Variants in GFPT2 observed in about 807,000 individuals in gnomAD.
GFPT2 encodes glutamine--fructose-6-phosphate aminotransferase [isomerizing] 2.
Under a neutral mutation model 85.6 loss-of-function variants are expected in GFPT2, and 62 were observed. The ratio of observed to expected loss-of-function variants is 0.72; its 90% CI spans 0.59 to 0.90. GFPT2 has a LOEUF of 0.90. Among genes scored for constraint, GFPT2 ranks in the 40% least tolerant of loss-of-function variants. The pLI, the probability that GFPT2 is intolerant of heterozygous loss-of-function variation, is 0.00. For missense variants in GFPT2, 788 were observed against 893.4 expected (o/e 0.88, Z 1.50); for synonymous variants, 368 against 344.5 (o/e 1.07, Z -0.75).
chr5:180,309,787 T>C (rs796624491), intron 15 of GFPT2, among the ~76,000 whole-genome samples: 61 of 151,820 alleles, frequency 4.0e-4, no homozygotes, highest in African/African-American at 1.4e-3. Flanking sequence ...TACAGACTAA[T>C]AATTTTTACC....
intron 2 of GFPT2, among the ~76,000 whole-genome samples, chr5:180,337,309 A>C (rs916206640): frequency 7.2e-5 from 11 of 152,122 alleles, no homozygotes; most frequent in South Asian, 2.1e-4. Flanking sequence ...AAAAATTAGC[A>C]GGGTGTGGTG....
At chr5:180,332,842 T>C (rs374765769) in intron 4 of GFPT2, among the ~76,000 whole-genome samples, 2 of 152,338 alleles carry the variant, frequency 1.3e-5, no homozygotes, top group East Asian at 1.9e-4. Context: ...GCCTGGTCTA[T>C]TGACTATTTT....
chr5:180,321,876 C>T (rs1270219925), intron 9 of GFPT2, among the ~76,000 whole-genome samples: 4 of 152,308 alleles, frequency 2.6e-5, no homozygotes, highest in South Asian at 2.1e-4. Flanking sequence ...CTCCGCCTCC[C>T]GGGTTCACGC....
chr5:180,330,844 G>A lies in GFPT2; in HGVS notation c.400-10C>T, dbSNP rs376675143. 1.4e-5 allele frequency: 22 copies of A among 1,613,324 alleles called. No homozygotes were observed. Among genetic ancestry groups the A allele is most frequent in the African/African-American group, 4.0e-5 (3 of 74,904 alleles). On this transcript the variant is annotated splice_polypyrimidine_tract_variant and intron_variant, in intron 5 of 18. Transcript: ENST00000253778. The surrounding 1 kb of genome is among the most constrained non-coding windows in gnomAD (Gnocchi z 4.4). ...CGTAGCCTTTGCTTTCCTGGAATAT[G>A]CAGTCGGCACAGTGTGAGAGATTGG... is the stretch of plus-strand genomic sequence containing the variant.
intron 15 of GFPT2, among the ~76,000 whole-genome samples, chr5:180,307,811 G>C (rs929759355): frequency 6.6e-6 from 1 of 152,198 alleles, no homozygotes; most frequent in Admixed American, 6.5e-5. Flanking sequence ...ACATTTACCA[G>C]ATTAGAAAAT....
At chr5:180,307,503 G>A (rs527444746) in intron 15 of GFPT2, among the ~76,000 whole-genome samples, 200 bp from the exon 16 acceptor site, 6 of 152,318 alleles carry the variant, frequency 3.9e-5, no homozygotes. Flanking sequence ...ATGGGGATTC[G>A]TGTTGTGTGA....
chr5:180,302,416 G>C lies in GFPT2; in HGVS notation c.2004+7C>G, dbSNP rs1210733491. ...TCTCTGCTGTTAGGTGCAGTTTTTA[G>C]ACGCACGTCATATCCTCGGAGAACA... On this transcript the variant is annotated splice_region_variant and intron_variant, in intron 18 of 18. Coordinates refer to ENST00000253778, the MANE Select transcript of GFPT2 (RefSeq NM_005110.4). 1 of 1,611,104 alleles carries C rather than the reference G, an allele frequency of 6.2e-7. No homozygotes were observed. The highest frequency in any genetic ancestry group is 1.7e-5 in the Admixed American group (1 of 59,996).
At chr5:180,337,660 GCCACCTCACT>G (rs767038294) in intron 2 of GFPT2, among the ~76,000 whole-genome samples, 13,483 of 152,038 alleles carry the variant, frequency 0.089, 1,010 homozygotes, top group African/African-American at 0.2. Context: ...TTTTAATGAA[GCCACCTCACT>G]GAGGCAGGGC....
chr5:180,353,218 C>G lies in GFPT2; in HGVS notation c.-1G>C. The G allele has an allele frequency of 8.1e-7, 1 of 1,240,582 alleles. No homozygotes were observed. Among genetic ancestry groups the G allele is most frequent in the South Asian group, 4.1e-5 (1 of 24,446 alleles). 76.8% of individuals were successfully genotyped at this position (1,240,582 alleles called of 1,614,324 possible). A position where few individuals can be genotyped will look rare whatever the true frequency, so the allele number is the denominator to read the frequency against. ...GGCGGGCGCGGCACTCACCGCACAT[C>G]GTGGCTGCTTCTCGGGCTCCTTCGC... On this transcript the variant is annotated 5_prime_UTR_variant, in exon 1 of 19. Coordinates refer to ENST00000253778, the MANE Select transcript of GFPT2 (RefSeq NM_005110.4).
chr5:180,324,498 G>A lies in GFPT2; in HGVS notation c.677-193C>T, dbSNP rs542482304. On this transcript the variant is annotated intron_variant, in intron 8 of 18. Coordinates refer to ENST00000253778, the MANE Select transcript of GFPT2 (RefSeq NM_005110.4). ...CTGCAAAAGCATTTAAATGGCTACA[G>A]TGTGAGAGGAATGCAAACAAAAACA... 4.3e-5 allele frequency: 25 copies of A among 588,040 alleles called. No homozygotes were observed. The Admixed American group carries it at 8.0e-4, about 19-fold the overall frequency. 36.4% of individuals were successfully genotyped at this position (588,040 alleles called of 1,614,324 possible).
rs1764047243 is a variant in GFPT2 at position 180,318,024 on chromosome 5, G to T, written c.958+769C>A. 1.3e-5 allele frequency among the ~76,000 whole-genome samples: 2 copies of T among 152,166 alleles called. No homozygotes were observed. Among genetic ancestry groups the T allele is most frequent in the African/African-American group, 4.8e-5 (2 of 41,434 alleles). ...AAATGAAGCAAGTGAGGGGAATGAG[G>T]GGTGGCCACCATAGGGGAGGGGCTG... On this transcript the variant is annotated intron_variant, in intron 10 of 18. Transcript: ENST00000253778. The surrounding 1 kb of genome is among the most constrained non-coding windows in gnomAD (Gnocchi z 4.2).
Position 180,335,898 on chromosome 5 carries a change from G to A in GFPT2, c.270C>T (p.His90=). The A allele has an allele frequency of 6.3e-7, 1 of 1,581,446 alleles. No individual in the cohort carries two copies. Among genetic ancestry groups the A allele is most frequent in the Non-Finnish European group, 8.6e-7 (1 of 1,168,920 alleles). The change falls in exon 4 of 19, where the codon CAC becomes CAT. Residue 90 remains histidine, a synonymous_variant. Coordinates refer to ENST00000253778, the MANE Select transcript of GFPT2 (RefSeq NM_005110.4). The part of the protein sequence containing the change: ...VEFETHFGIA[H]TRWATHGVPS... Reference sequence around the variant, plus strand: ...GGACCCCGTGGGTGGCCCAGCGCGTGTGGGCAATGCCGAAGTGTGTCTCAA... The same window carrying A: ...GGACCCCGTGGGTGGCCCAGCGCGTATGGGCAATGCCGAAGTGTGTCTCAA...
intron 7 of GFPT2, 108 bp from the exon 8 acceptor site, chr5:180,325,003 T>C: frequency 1.3e-6 from 1 of 763,192 alleles, no homozygotes; most frequent in Non-Finnish European, 2.3e-6. Flanking sequence ...TTCCCAGTGG[T>C]GGAGGATCCT....
intron 16 of GFPT2, among the ~76,000 whole-genome samples, chr5:180,305,796 A>G (rs758029388): frequency 1.2e-4 from 19 of 152,072 alleles, no homozygotes; most frequent in Non-Finnish European, 2.6e-4. Flanking sequence ...CCTTGCCTCT[A>G]CTGCACTCCA....
rs942938177 is a variant in GFPT2, at chr5:180,338,783, A to G, written c.8-183T>C. ...ACCCCTTCTTCCTCCTGTGACAAAA[A>G]CCCCCAGAAAGCCTGTGTCACATGT... On this transcript the variant is annotated intron_variant, in intron 1 of 18. Transcript: ENST00000253778. 5.9e-5 allele frequency among the ~76,000 whole-genome samples: 9 copies of G among 151,534 alleles called. No individual in the cohort carries two copies. In the South Asian group the frequency reaches 6.3e-4, roughly 11 times the overall value.
At chr5:180,320,111 G>A (rs974546658) in intron 9 of GFPT2, among the ~76,000 whole-genome samples, 23 of 152,060 alleles carry the variant, frequency 1.5e-4, no homozygotes, top group Non-Finnish European at 3.1e-4. Context: ...TCCTGCCTCA[G>A]CCTCCCGAGT....
rs758739868 is a variant in GFPT2 at position 180,330,763 on chromosome 5, G to A, written c.471C>T (p.Phe157=). The change falls in exon 6 of 19, where the codon TTC becomes TTT. Residue 157 remains phenylalanine (F), a synonymous_variant. Transcript: ENST00000253778. The surrounding 1 kb of genome is among the most constrained non-coding windows in gnomAD (Gnocchi z 4.4). ...TAATGTCCTCAGTTTCTCTGTTGTC[G>A]AACACATATTTAATCAGCTTGGCGA... ...ETIAKLIKYV[F]DNRETEDITF... is the part of the protein sequence containing the mutation. 57 of 1,612,294 alleles carry A rather than the reference G, an allele frequency of 3.5e-5. No individual in the cohort carries two copies. The highest frequency in any genetic ancestry group is 1.1e-4 in the African/African-American group (8 of 74,872).
intron 1 of GFPT2, among the ~76,000 whole-genome samples, chr5:180,350,186 G>A (rs561322166): frequency 3.9e-5 from 6 of 152,292 alleles, no homozygotes; most frequent in African/African-American, 1.4e-4. Context: ...CAGCTGGGAA[G>A]GACTGGGAGA....
intron 7 of GFPT2, among the ~76,000 whole-genome samples, chr5:180,327,865 A>G (rs1764237560): frequency 6.6e-6 from 1 of 152,136 alleles, no homozygotes; most frequent in Non-Finnish European, 1.5e-5. Context: ...CCTCTGCTGT[A>G]CTGGATCCAA....
Sources: allele counts gnomAD v4.1 joint callset (sites outside exome capture counted in the v4.1 genomes callset), GRCh38; gene constraint gnomAD v4.1.1; non-coding constraint Gnocchi (gnomAD v3.1); transcripts MANE v1.5; gene names NCBI Gene and HGNC (gene_info 2026-07-23, HGNC 2026-07-21).